The following NXPE4 variants were observed in gnomAD, a reference collection of about 807,000 sequenced individuals.
The protein encoded by NXPE4 is NXPE family member 4.
In NXPE4, 42 loss-of-function variants were observed where a neutral mutation model predicts 33.3. The observed-to-expected ratio is 1.26, with a 90% CI of 0.98 to 1.63. The LOEUF (loss-of-function observed/expected upper bound fraction) is 1.63. NXPE4 is among the 40% of genes most tolerant of loss of function. NXPE4 has a pLI of 0.00. For missense variants in NXPE4, 709 were observed against 647.6 expected, an observed-to-expected ratio of 1.09 and a Z score of -1.03; for synonymous variants, 253 against 234.9, an observed-to-expected ratio of 1.08 and a Z score of -0.71.
Position 114,583,024 on chromosome 11 carries a change from GA to G in NXPE4, c.97-4del. 2 of 1,601,600 alleles carry G rather than the reference GA, an allele frequency of 1.2e-6. No homozygotes were observed. Among genetic ancestry groups the G allele is most frequent in the Non-Finnish European group, 8.5e-7 (1 of 1,174,566 alleles). ...GATAAGTTTAGAGCAGACCAAACCT[GA>G]AATGACAGCAAATGTGACATGAGAT... On this transcript the variant is annotated splice_region_variant and splice_polypyrimidine_tract_variant and intron_variant, in intron 2 of 5. Transcript: ENST00000375478.
the NXPE4 span, among the ~76,000 whole-genome samples, chr11:114,635,574 C>T: frequency 3.3e-5 from 5 of 152,002 alleles, no homozygotes; most frequent in African/African-American, 1.2e-4. Context: ...CAGTTTTTGC[C>T]CATTCAGTAT....
At chr11:114,650,081 A>G in the NXPE4 span, among the ~76,000 whole-genome samples, 24 of 152,200 alleles carry the variant, frequency 1.6e-4, no homozygotes, top group African/African-American at 5.5e-4. Context: ...TGAGAAAAAA[A>G]ATCCAGGTAA....
chr11:114,650,246 G>A, the NXPE4 span, among the ~76,000 whole-genome samples: 1 of 152,114 alleles, frequency 6.6e-6, no homozygotes, highest in Non-Finnish European at 1.5e-5. Flanking sequence ...AGAGGAGAGA[G>A]CATATAAAAA....
the NXPE4 span, among the ~76,000 whole-genome samples, chr11:114,663,615 A>ATCTG: frequency 2.0e-5 from 2 of 98,066 alleles, no homozygotes; most frequent in South Asian, 7.4e-4. Flanking sequence ...CTATCTATCT[A>ATCTG]TCTATCTATC....
chr11:114,632,391 A>G, the NXPE4 span, among the ~76,000 whole-genome samples: 2 of 133,566 alleles, frequency 1.5e-5, no homozygotes, highest in African/African-American at 5.4e-5. Context: ...TATGATATAA[A>G]TATAAATATA....
chr11:114,621,853 A>T, the NXPE4 span, among the ~76,000 whole-genome samples: 6 of 151,520 alleles, frequency 4.0e-5, no homozygotes, highest in Non-Finnish European at 8.8e-5. Flanking sequence ...ATATTGCCTC[A>T]TGGGTAAACA....
the NXPE4 span, among the ~76,000 whole-genome samples, chr11:114,618,550 T>C: frequency 2.0e-5 from 3 of 152,062 alleles, no homozygotes; most frequent in Non-Finnish European, 2.9e-5. Flanking sequence ...GGGTGATCAC[T>C]GTTACCCAGT....
At chr11:114,641,628 A>G in the NXPE4 span, among the ~76,000 whole-genome samples, 2 of 152,058 alleles carry the variant, frequency 1.3e-5, no homozygotes, top group Non-Finnish European at 2.9e-5. Context: ...AAACCTGGAA[A>G]AAGTAGAAAT....
At chr11:114,621,032 C>T in the NXPE4 span, among the ~76,000 whole-genome samples, 1 of 152,108 alleles carries the variant, frequency 6.6e-6, no homozygotes, top group Non-Finnish European at 1.5e-5. Context: ...CACTGTTACG[C>T]AGTGCACAAT....
At chr11:114,638,690 C>A in the NXPE4 span, among the ~76,000 whole-genome samples, 1 of 152,084 alleles carries the variant, frequency 6.6e-6, no homozygotes, top group Non-Finnish European at 1.5e-5. Context: ...ACAGACAGGA[C>A]CGTCAGCTGC....
Position 114,580,244 on chromosome 11 carries a change from G to A in NXPE4, c.987C>T (p.Ser329=). The A allele has an allele frequency of 6.2e-7, 1 of 1,614,016 alleles. No individual in the cohort carries two copies. Among genetic ancestry groups the A allele is most frequent in the South Asian group, 1.1e-5 (1 of 91,078 alleles). The change falls in exon 5 of 6, where the codon TCC becomes TCT. Residue 329 remains serine, a synonymous_variant. Coordinates refer to ENST00000375478, the MANE Select transcript of NXPE4 (RefSeq NM_001077639.2). ...TCATTTTGACTGTAGCCAAACTACA[G>A]GAGACAGGATTCCATGTGTTTCTCC... ...HVWRNTWNPV[S]CSLATVKMKE...
chr11:114,580,384 C>CATA (rs1274167657), intron 4 of NXPE4, 46 bp from the exon 5 acceptor site: 4 of 1,542,504 alleles, frequency 2.6e-6, no homozygotes, highest in Admixed American at 3.3e-5. Context: ...CATCAAATTA[C>CATA]CCGTCAGTAT....
the NXPE4 span, among the ~76,000 whole-genome samples, chr11:114,627,932 T>C: frequency 2.3e-3 from 336 of 148,952 alleles, 1 homozygote; most frequent in African/African-American, 6.4e-3. Context: ...AAGGCCATTA[T>C]TTAATGGTAA....
intron 2 of NXPE4, among the ~76,000 whole-genome samples, chr11:114,588,798 AC>A (rs1949370717): frequency 6.6e-6 from 1 of 152,204 alleles, no homozygotes; most frequent in East Asian, 1.9e-4. Context: ...TGAAAGAAGC[AC>A]TAATAAAACA....
intron 5 of NXPE4, among the ~76,000 whole-genome samples, chr11:114,576,572 G>T (rs920945729): frequency 3.3e-5 from 5 of 151,896 alleles, no homozygotes; most frequent in African/African-American, 9.7e-5. Flanking sequence ...AAGATATACA[G>T]ATGGTGAACA....
At chr11:114,573,815 T>A (rs1182690917) in intron 5 of NXPE4, among the ~76,000 whole-genome samples, 5 of 151,742 alleles carry the variant, frequency 3.3e-5, no homozygotes. Flanking sequence ...AGACAGAAAG[T>A]CAACAAAGAA....
chr11:114,672,969 G>A, the NXPE4 span, among the ~76,000 whole-genome samples: 1 of 150,878 alleles, frequency 6.6e-6, no homozygotes, highest in Non-Finnish European at 1.5e-5. Flanking sequence ...GATGTCTATA[G>A]AACATTCTGC....
At chr11:114,594,489 CA>C (rs1285014594) in intron 2 of NXPE4, among the ~76,000 whole-genome samples, 174 bp downstream of exon 2, 3 of 152,144 alleles carry the variant, frequency 2.0e-5, no homozygotes, top group Admixed American at 6.5e-5. Context: ...AACACACACA[CA>C]GTATTTATCC....
At chr11:114,616,952 C>A in the NXPE4 span, among the ~76,000 whole-genome samples, 1 of 146,562 alleles carries the variant, frequency 6.8e-6, no homozygotes, top group African/African-American at 2.8e-5. Context: ...TTGTGGGTAT[C>A]CACTCTTACC....
Sources: gnomAD v4.1 joint callset for allele counts (sites outside exome capture counted in the v4.1 genomes callset) on GRCh38, gnomAD v4.1.1 for gene constraint, MANE v1.5 for transcripts, NCBI Gene and HGNC (gene_info 2026-07-23, HGNC 2026-07-21) for gene names.